Variants in ABCB5 observed in about 807,000 individuals in gnomAD.
The protein encoded by ABCB5 is ATP binding cassette subfamily B member 5, also known as ATP-binding cassette sub-family B member 5.
In ABCB5, 155 loss-of-function variants were observed where a neutral mutation model predicts 144.2. That is an observed-to-expected ratio of 1.08 (90% confidence interval 0.94 to 1.23). ABCB5 has a LOEUF of 1.23. ABCB5 is among the 50% of genes most tolerant of loss of function. ABCB5 has a pLI of 0.00. For missense variants in ABCB5, 1,830 were observed against 1,520.8 expected (o/e 1.20, Z -3.38); for synonymous variants, 610 against 528.6 (o/e 1.15, Z -2.11).
chr7:20,731,278 C>T (rs534327961), intron 23 of ABCB5, among the ~76,000 whole-genome samples: 11 of 148,222 alleles, frequency 7.4e-5, no homozygotes, highest in African/African-American at 1.5e-4. Context: ...GCTTCAACCC[C>T]GGAGGTGGAG....
In ABCB5 at chr7:20,623,302, G is replaced by C. The variant is rs1398135878; in HGVS notation, c.17G>C (p.Arg6Thr). MENSE[R>T]AEEMQENYQR... Reference sequence around the variant, plus strand: ...GTAAATAAGATGGAAAATTCAGAAAGAGCTGAAGAAATGCAAGAAAATTAT... The same window carrying C: ...GTAAATAAGATGGAAAATTCAGAAACAGCTGAAGAAATGCAAGAAAATTAT... The change falls in exon 2 of 28, where the codon AGA (arginine) becomes ACA (threonine). Residue 6 changes from arginine (R) to threonine (T), a missense_variant. Arg to Thr is a moderately conservative substitution (Grantham distance 71). Transcript: ENST00000404938. 7.8e-6 allele frequency: 12 copies of C among 1,548,186 alleles called. No individual in the cohort carries two copies. Among genetic ancestry groups the C allele is most frequent in the Non-Finnish European group, 8.7e-6 (10 of 1,143,578 alleles).
rs1269368007 is a variant in ABCB5 at position 20,645,836 on chromosome 7, C to G, written c.759C>G (p.Ile253Met). 2 of 1,613,734 alleles carry G rather than the reference C, an allele frequency of 1.2e-6. No individual in the cohort carries two copies. The highest frequency in any genetic ancestry group is 1.7e-6 in the Non-Finnish European group (2 of 1,179,776). Residue 253 changes from isoleucine to methionine, a missense_variant, in exon 8 of 28, where the codon ATC becomes ATG. By Grantham distance (10) the Ile-to-Met change is conservative. Transcript: ENST00000404938. Reference sequence around the variant, plus strand: ...TGGCAGAAGAAGTCTTGTCATCAATCCGAACAGTCATAGCCTTTAGGGCCC... The same window carrying G: ...TGGCAGAAGAAGTCTTGTCATCAATGCGAACAGTCATAGCCTTTAGGGCCC... Reference protein sequence around the residue: ...GAVAEEVLSSIRTVIAFRAQE... With the variant: ...GAVAEEVLSSMRTVIAFRAQE...
At chr7:20,718,309 C>T (rs1781754183) in intron 20 of ABCB5, among the ~76,000 whole-genome samples, 1 of 152,170 alleles carries the variant, frequency 6.6e-6, no homozygotes, top group African/African-American at 2.4e-5. Flanking sequence ...CACCATTTAT[C>T]TCTTTTATCC....
rs1784396820 is a variant in ABCB5, at chr7:20,645,987, A to C, written c.830A>C (p.Lys277Thr). 1 of 1,613,656 alleles carries C rather than the reference A, an allele frequency of 6.2e-7. No homozygotes were observed. Among genetic ancestry groups the C allele is most frequent in the Non-Finnish European group, 8.5e-7 (1 of 1,179,754 alleles). ...TATACACAGAATCTCAAAGATGCAA[A>C]GGATTTTGGCATAAAAAGGACTATA... The part of the protein sequence containing the change: ...QRYTQNLKDA[K>T]DFGIKRTIAS... The change falls in exon 9 of 28, where the codon AAG becomes ACG. Residue 277 changes from lysine (K) to threonine (T), a missense_variant. Coordinates refer to ENST00000404938, the MANE Select transcript of ABCB5 (RefSeq NM_001163941.2).
chr7:20,684,484 C>T (rs1010752303), intron 15 of ABCB5, among the ~76,000 whole-genome samples: 5 of 152,086 alleles, frequency 3.3e-5, no homozygotes, highest in South Asian at 4.1e-4. Flanking sequence ...CAGGACATGA[C>T]GGCTGGTTCC....
chr7:20,752,036 A>G (rs1172091333), intron 26 of ABCB5, among the ~76,000 whole-genome samples: 2 of 152,240 alleles, frequency 1.3e-5, no homozygotes, highest in Admixed American at 1.3e-4. Flanking sequence ...TCGTGACACC[A>G]ACTCTGTCCA....
At chr7:20,714,160 G>A (rs192959296) in intron 20 of ABCB5, among the ~76,000 whole-genome samples, 2 of 152,216 alleles carry the variant, frequency 1.3e-5, no homozygotes, top group African/African-American at 4.8e-5. Flanking sequence ...TTGTTACTCT[G>A]TCTTGGTGAG....
intron 16 of ABCB5, among the ~76,000 whole-genome samples, chr7:20,686,199 C>G (rs953153779): frequency 3.9e-5 from 6 of 152,152 alleles, no homozygotes; most frequent in African/African-American, 1.2e-4. Context: ...TAAATGCATG[C>G]CACTCCCGGA....
intron 16 of ABCB5, among the ~76,000 whole-genome samples, chr7:20,688,085 C>T (rs573685881): frequency 1.3e-5 from 2 of 151,254 alleles, no homozygotes; most frequent in South Asian, 2.1e-4. Flanking sequence ...CCTAGCTACT[C>T]GGGAGGCTGA....
In ABCB5 at chr7:20,727,140, G is replaced by A. The variant is rs1215260876; in HGVS notation, c.2726G>A (p.Arg909Lys). The A allele has an allele frequency of 6.2e-7, 1 of 1,610,618 alleles. No homozygotes were observed. The highest frequency in any genetic ancestry group is 8.5e-7 in the Non-Finnish European group (1 of 1,178,042). Residue 909 changes from arginine to lysine, a missense_variant and splice_region_variant, in exon 22 of 28, where the codon AGA (arginine) becomes AAA (lysine). By Grantham distance (26) the Arg-to-Lys change is conservative (BLOSUM62 2). Coordinates refer to ENST00000404938, the MANE Select transcript of ABCB5 (RefSeq NM_001163941.2). The stretch of plus-strand genomic sequence containing the variant: ...GAAGAGATGCTTCAGACTCAACACA[G>A]GTGATTATAGATTCATACTGACTTC... ...MYEEMLQTQH[R>K]NTSKKAQIIG...
intron 16 of ABCB5, among the ~76,000 whole-genome samples, chr7:20,690,205 A>G (rs1786169385): frequency 6.6e-6 from 1 of 152,242 alleles, no homozygotes. Context: ...ACAAACTACA[A>G]TAGTATTACC....
At chr7:20,723,242 C>A (rs751712304) in intron 21 of ABCB5, 23 bp downstream of exon 21, 1 of 1,607,818 alleles carries the variant, frequency 6.2e-7, no homozygotes, top group South Asian at 1.1e-5. Context: ...CTGTTATCAC[C>A]ATCGTAACAT....
intron 16 of ABCB5, among the ~76,000 whole-genome samples, chr7:20,686,334 G>A (rs1785999001): frequency 6.6e-6 from 1 of 151,994 alleles, no homozygotes; most frequent in Admixed American, 6.6e-5. Flanking sequence ...TACCCCCAAA[G>A]CCCCAGGCTC....
rs201587426 is a variant in ABCB5, at chr7:20,755,614, C to G, written c.3764C>G (p.Ser1255Ter). Residue 1255 changes from serine to a stop codon, truncating the protein, a stop_gained, in exon 28 of 28, where the codon TCA becomes TGA. Coordinates refer to ENST00000404938, the MANE Select transcript of ABCB5 (RefSeq NM_001163941.2). LOFTEE classifies it high-confidence loss of function. Reference protein sequence around the residue: ...DIYFKLVNAQSVQ With the variant: ...DIYFKLVNAQ ...TATTTTAAGTTAGTGAATGCACAGT[C>G]AGTGCAGTGATGCTGTTGAGGTAGC... 268 of 1,613,892 alleles carry G rather than the reference C, an allele frequency of 1.7e-4. 1 individual carries two copies. Among genetic ancestry groups the G allele is most frequent in the Non-Finnish European group, 9.2e-5 (109 of 1,180,000 alleles).
At chr7:20,666,805 A>G in intron 14 of ABCB5, 2 of 1,584,156 alleles carry the variant, frequency 1.3e-6, no homozygotes, top group African/African-American at 1.3e-5. Context: ...CACACTATCT[A>G]CGTTGAGGTA....
At chr7:20,671,194 T>C (rs1785451667) in intron 14 of ABCB5, among the ~76,000 whole-genome samples, 1 of 152,220 alleles carries the variant, frequency 6.6e-6, no homozygotes, top group Non-Finnish European at 1.5e-5. Flanking sequence ...CAATCTACTT[T>C]GTCATTATTT....
chr7:20,722,985 G>A lies in ABCB5; in HGVS notation c.2422-31G>A, dbSNP rs527334021. ...CTCTTGTAAATGTAAAGTTAATTGA[G>A]TTTTTTCCCCCAAAATATGTCTGAT... On this transcript the variant is annotated intron_variant, in intron 20 of 27. Transcript: ENST00000404938. The A allele has an allele frequency of 1.5e-4, 236 of 1,603,014 alleles. 1 individual carries two copies. The South Asian group carries it at 2.5e-3, about 17-fold the overall frequency.
intron 23 of ABCB5, among the ~76,000 whole-genome samples, chr7:20,737,752 T>TA (rs397952067): frequency 0.12 from 17,831 of 146,698 alleles, 1,081 homozygotes; most frequent in Non-Finnish European, 0.14. Context: ...AAAACACATT[T>TA]AAAAAAAAAA....
At chr7:20,711,424 T>C (rs939436026) in intron 20 of ABCB5, among the ~76,000 whole-genome samples, 2 of 148,340 alleles carry the variant, frequency 1.3e-5, no homozygotes, top group Non-Finnish European at 1.5e-5. Context: ...CCACCAGTTA[T>C]GAAATTTGAG....
Sources: gnomAD v4.1 joint callset for allele counts (sites outside exome capture counted in the v4.1 genomes callset) on GRCh38, gnomAD v4.1.1 for gene constraint, MANE v1.5 for transcripts, NCBI Gene and HGNC (gene_info 2026-07-23, HGNC 2026-07-21) for gene names.